The following SGSM3 variants were observed in gnomAD, a reference collection of about 807,000 sequenced individuals.
The protein encoded by SGSM3 is RUN and SH3 containing 3.
A neutral mutation model predicts 100.5 loss-of-function variants in SGSM3; 96 were observed. The observed-to-expected ratio is 0.96, with a 90% CI of 0.81 to 1.13. The LOEUF is 1.13. Among genes scored for constraint, SGSM3 ranks in the 50% most tolerant of loss-of-function variants. The pLI is 0.00. For missense variants in SGSM3, 1,001 were observed against 1,015.8 expected (o/e 0.99, Z 0.20); for synonymous variants, 483 against 422.8 (o/e 1.14, Z -1.75).
chr22:40,407,549 G>A lies in SGSM3; in HGVS notation c.1505G>A (p.Arg502His), dbSNP rs376663138. 81 of 1,604,100 alleles carry A rather than the reference G, an allele frequency of 5.0e-5. No individual in the cohort carries two copies. The highest frequency in any genetic ancestry group is 6.4e-5 in the Non-Finnish European group (75 of 1,179,864). Reference sequence around the variant, plus strand: ...CACGACGACGACGAGCTGGGCTTCCGCAAGAACGACATCATCACAGTGCGT... The same window carrying A: ...CACGACGACGACGAGCTGGGCTTCCACAAGAACGACATCATCACAGTGCGT... ...ERHDDDELGFRKNDIITIVSQ... is the reference protein window; with the variant it reads ...ERHDDDELGFHKNDIITIVSQ... The change falls in exon 13 of 22, where the codon CGC (arginine) becomes CAC (histidine). Residue 502 changes from arginine (R) to histidine (H), a missense_variant. Physicochemically the swap from Arg to His is conservative, Grantham distance 29 (BLOSUM62 0). Transcript: ENST00000248929. The surrounding 1 kb of genome is among the most constrained non-coding windows in gnomAD (Gnocchi z 4.7).
At chr22:40,395,897 A>T (rs772933568) in intron 1 of SGSM3, among the ~76,000 whole-genome samples, 5 of 152,070 alleles carry the variant, frequency 3.3e-5, no homozygotes, top group Non-Finnish European at 7.4e-5. Flanking sequence ...TGCACGCCAC[A>T]CTTGCCTGCA....
At position 40,405,941 on chromosome 22, in the gene SGSM3, T is replaced by G. The variant is rs1292901119; in HGVS notation, c.814+97T>G. ...AGGGCACAGCCCCCCAACCATGGTC[T>G]TTGTCGCTCTTTTGTTCTCTGGTGT... On this transcript the variant is annotated intron_variant, in intron 8 of 21. Transcript: ENST00000248929. 6.1e-6 allele frequency: 9 copies of G among 1,478,806 alleles called. No individual in the cohort carries two copies. The East Asian group carries it at 6.8e-5, about 11-fold the overall frequency. The allele number at this position is 1,478,806 out of a possible 1,614,324, so 91.6% of individuals were successfully genotyped here.
chr22:40,371,761 A>G (rs2146704739), intron 1 of SGSM3, among the ~76,000 whole-genome samples: 1 of 151,764 alleles, frequency 6.6e-6, no homozygotes, highest in Admixed American at 6.6e-5. Context: ...CAATGACATG[A>G]TCTCGGCTCA....
At chr22:40,401,549 C>G (rs760318976) in intron 2 of SGSM3, 44 bp from the exon 3 acceptor site, 34 of 1,527,902 alleles carry the variant, frequency 2.2e-5, no homozygotes, top group Non-Finnish European at 3.1e-5. Flanking sequence ...CCTGGCCTGC[C>G]TCTGCATTTT....
chr22:40,407,392 G>T lies in SGSM3; in HGVS notation c.1369-21G>T, dbSNP rs770007313. Reference sequence around the variant, plus strand: ...CCTAACTCCTCCAACCCCCTTGGTGGGCCTGTGTTCACTGTGGCAGGAGCT... The same window carrying T: ...CCTAACTCCTCCAACCCCCTTGGTGTGCCTGTGTTCACTGTGGCAGGAGCT... On this transcript the variant is annotated intron_variant, in intron 12 of 21. Coordinates refer to ENST00000248929, the MANE Select transcript of SGSM3 (RefSeq NM_015705.6). This position sits in a 1 kb window ranked among gnomAD's most constrained non-coding sequence, Gnocchi z 4.7. 2.5e-5 allele frequency: 41 copies of T among 1,611,366 alleles called. No individual in the cohort carries two copies. Among genetic ancestry groups the T allele is most frequent in the Middle Eastern group, 1.7e-4 (1 of 6,058 alleles).
intron 1 of SGSM3, among the ~76,000 whole-genome samples, chr22:40,373,746 G>A: frequency 6.6e-6 from 1 of 151,628 alleles, no homozygotes; most frequent in East Asian, 1.9e-4. Flanking sequence ...CTCCCGAGTA[G>A]CTGAGACTGC....
chr22:40,394,107 C>T (rs949224156), intron 1 of SGSM3, among the ~76,000 whole-genome samples: 1 of 152,186 alleles, frequency 6.6e-6, no homozygotes, highest in African/African-American at 2.4e-5. Flanking sequence ...GCTCTGCATT[C>T]CCTCCTTGGC....
At chr22:40,389,521 C>A (rs1307767051) in intron 1 of SGSM3, among the ~76,000 whole-genome samples, 4 of 147,428 alleles carry the variant, frequency 2.7e-5, no homozygotes, top group African/African-American at 1.0e-4. Context: ...ATGGCGTGAA[C>A]CTGGGAGGCG....
At position 40,406,427 on chromosome 22, in the gene SGSM3, G is replaced by T. The variant is rs1410387157; in HGVS notation, c.961-11G>T. 1 of 1,562,056 alleles carries T rather than the reference G, an allele frequency of 6.4e-7. No individual in the cohort carries two copies. The highest frequency in any genetic ancestry group is 1.3e-5 in the African/African-American group (1 of 74,380). ...AACCTTCTTCCCCCATCCTGCCCTG[G>T]CATGGCCCAGGAGGAAGAGCTGATC... On this transcript the variant is annotated splice_polypyrimidine_tract_variant and intron_variant, in intron 9 of 21. Transcript: ENST00000248929.
chr22:40,407,967 A>G lies in SGSM3; in HGVS notation c.1580-104A>G. ...ACACCTGCCTGGCTTGAGGTCCCTG[A>G]AGCAGCTGAGCCGGCTTCCCACTGC... On this transcript the variant is annotated intron_variant, in intron 14 of 21. Coordinates refer to ENST00000248929, the MANE Select transcript of SGSM3 (RefSeq NM_015705.6). This position sits in a 1 kb window ranked among gnomAD's most constrained non-coding sequence, Gnocchi z 4.7. 6.8e-7 allele frequency: 1 copy of G among 1,468,562 alleles called. No individual in the cohort carries two copies. The highest frequency in any genetic ancestry group is 1.2e-5 in the South Asian group (1 of 80,554). 91.0% of individuals were successfully genotyped at this position (1,468,562 alleles called of 1,614,324 possible).
Position 40,408,065 on chromosome 22 carries a change from C to G in SGSM3, c.1580-6C>G. 2 of 1,613,430 alleles carry G rather than the reference C, an allele frequency of 1.2e-6. No individual in the cohort carries two copies. Among genetic ancestry groups the G allele is most frequent in the South Asian group, 2.2e-5 (2 of 91,008 alleles). On this transcript the variant is annotated splice_region_variant and splice_polypyrimidine_tract_variant and intron_variant, in intron 14 of 21. Coordinates refer to ENST00000248929, the MANE Select transcript of SGSM3 (RefSeq NM_015705.6). ...TTGCTCCTTACAGGGCCTGTTTTTC[C>G]CACAGGCTGGTTTCCAGCCAAGTTC... is the stretch of plus-strand genomic sequence containing the variant.
At chr22:40,370,779 C>A (rs1393694504) in intron 1 of SGSM3, 91 bp downstream of exon 1, 1 of 152,256 alleles carries the variant, frequency 6.6e-6, no homozygotes. Flanking sequence ...TCGGACTGTC[C>A]GACCGAGGGT....
rs2147000955 is a variant in SGSM3 at position 40,407,324 on chromosome 22, G to T, written c.1364G>T (p.Ser455Ile). 1 of 1,613,532 alleles carries T rather than the reference G, an allele frequency of 6.2e-7. No homozygotes were observed. The highest frequency in any genetic ancestry group is 8.5e-7 in the Non-Finnish European group (1 of 1,180,000). Residue 455 changes from serine to isoleucine, a missense_variant, in exon 12 of 22, where the codon AGC becomes ATC. Physicochemically the swap from Ser to Ile is moderately radical, Grantham distance 142. Transcript: ENST00000248929. This position sits in a 1 kb window ranked among gnomAD's most constrained non-coding sequence, Gnocchi z 4.7. The part of the protein sequence containing the change: ...HFQCTDPKNC[S>I]VELTPDYSME... ...CAGTGCACAGACCCCAAAAACTGCA[G>T]CGTGGTGAGTCGCCAGCTCCCTGGG...
In SGSM3 at chr22:40,404,586, G is replaced by C. The variant is rs1259098168; in HGVS notation, c.396G>C (p.Gln132His). Residue 132 changes from glutamine to histidine, a missense_variant, in exon 6 of 22, where the codon CAG (glutamine) becomes CAC (histidine). Coordinates refer to ENST00000248929, the MANE Select transcript of SGSM3 (RefSeq NM_015705.6). ...GGATGCGGCTCTCTGGGGCCCTGCA[G>C]AAGAAGAGGAACTCTGAGCTGTCCT... The part of the protein sequence containing the change: ...QLWMRLSGAL[Q>H]KKRNSELSYR... 6.2e-7 allele frequency: 1 copy of C among 1,613,890 alleles called. No individual in the cohort carries two copies. The highest frequency in any genetic ancestry group is 8.5e-7 in the Non-Finnish European group (1 of 1,179,936).
chr22:40,380,738 C>A (rs150332646), intron 1 of SGSM3, among the ~76,000 whole-genome samples: 3 of 152,204 alleles, frequency 2.0e-5, no homozygotes, highest in African/African-American at 7.2e-5. Flanking sequence ...GAATTTAAGA[C>A]CAGCCTGGGC....
intron 1 of SGSM3, among the ~76,000 whole-genome samples, chr22:40,389,567 C>G (rs1458470864): frequency 1.5e-5 from 2 of 137,410 alleles, no homozygotes; most frequent in East Asian, 4.2e-4. Flanking sequence ...CCACTGCACT[C>G]CAGCCTGGGC....
At chr22:40,377,923 T>TA (rs1261005477) in intron 1 of SGSM3, among the ~76,000 whole-genome samples, 1 of 151,752 alleles carries the variant, frequency 6.6e-6, no homozygotes, top group Non-Finnish European at 1.5e-5. Context: ...AAGATGTGGG[T>TA]ATCTTCAAAT....
intron 1 of SGSM3, among the ~76,000 whole-genome samples, chr22:40,396,224 G>A (rs1290341807): frequency 6.6e-6 from 1 of 151,892 alleles, no homozygotes; most frequent in Non-Finnish European, 1.5e-5. Context: ...AGTTTTTATC[G>A]ATAGCTTCAA....
At chr22:40,372,158 G>C (rs1426961430) in intron 1 of SGSM3, among the ~76,000 whole-genome samples, 2 of 103,934 alleles carry the variant, frequency 1.9e-5, no homozygotes, top group African/African-American at 3.9e-5. Flanking sequence ...ACGGAGTCTC[G>C]CTCTGTTGCC....
Sources: allele counts gnomAD v4.1 joint callset (sites outside exome capture counted in the v4.1 genomes callset), GRCh38; gene constraint gnomAD v4.1.1; non-coding constraint Gnocchi (gnomAD v3.1); transcripts MANE v1.5; gene names NCBI Gene and HGNC (gene_info 2026-07-23, HGNC 2026-07-21).